FBXO15: variants seen among roughly 807,000 people sequenced by gnomAD.
FBXO15 encodes the protein F-box protein 15.
FBXO15 carries 30 observed loss-of-function variants against 49.5 expected under a neutral mutation model. That is an observed-to-expected ratio of 0.61 (90% CI 0.45 to 0.82). The LOEUF (loss-of-function observed/expected upper bound fraction) is 0.82. FBXO15 is among the 40% of genes least tolerant of loss of function. FBXO15 has a pLI of 0.00. For missense variants in FBXO15, 591 were observed against 631.5 expected, an observed-to-expected ratio of 0.94 and a Z score of 0.69; for synonymous variants, 250 against 232.7, an observed-to-expected ratio of 1.07 and a Z score of -0.68.
chr18:74,111,911 A>AT (rs1914047746), intron 8 of FBXO15, among the ~76,000 whole-genome samples: 1 of 152,190 alleles, frequency 6.6e-6, no homozygotes. Context: ...CTATGAACAA[A>AT]GCAATGCCCA....
chr18:74,101,514 G>A (rs772706623), intron 8 of FBXO15, among the ~76,000 whole-genome samples: 1 of 151,982 alleles, frequency 6.6e-6, no homozygotes, highest in African/African-American at 2.4e-5. Flanking sequence ...GGGTAGAATT[G>A]ATATTGTGAA....
At chr18:74,135,327 A>G (rs1200965807) in intron 3 of FBXO15, among the ~76,000 whole-genome samples, 1 of 152,120 alleles carries the variant, frequency 6.6e-6, no homozygotes, top group Non-Finnish European at 1.5e-5. Flanking sequence ...AGCTAAGTAC[A>G]CCTAACTTAG....
chr18:74,107,193 T>TAA lies in FBXO15; in HGVS notation c.1138+16173_1138+16174dup, dbSNP rs200161286. ...TTATGGGGTACACAGTGATATTCTG[T>TAA]AAAAAAAAAAAAAACAACAAATTCT... On this transcript the variant is annotated intron_variant, in intron 8 of 9. Coordinates refer to ENST00000419743, the MANE Select transcript of FBXO15 (RefSeq NM_001142958.2). Among the ~76,000 whole-genome samples the TAA allele has an allele frequency of 9.0e-3, 1,159 of 128,496 alleles. 17 individuals carry two copies. The highest frequency in any genetic ancestry group is 0.037 in the African/African-American group (1,116 of 29,938). 84.3% of individuals were successfully genotyped at this position (128,496 alleles called of 152,430 possible). A position where few individuals can be genotyped will look rare whatever the true frequency, so the allele number is the denominator to read the frequency against.
chr18:74,119,042 C>CCCCAGG (rs1483693027), intron 8 of FBXO15, among the ~76,000 whole-genome samples: 1 of 152,168 alleles, frequency 6.6e-6, no homozygotes, highest in Non-Finnish European at 1.5e-5. Flanking sequence ...CCTGGGGCCT[C>CCCCAGG]CCCAGGCCCT....
chr18:74,141,658 T>C (rs1417487078), intron 1 of FBXO15, among the ~76,000 whole-genome samples: 2 of 152,176 alleles, frequency 1.3e-5, no homozygotes, highest in Non-Finnish European at 2.9e-5. Context: ...AGCTGAAGTA[T>C]GAAATCCACA....
chr18:74,104,239 A>C (rs908952553), intron 8 of FBXO15, among the ~76,000 whole-genome samples: 1 of 152,148 alleles, frequency 6.6e-6, no homozygotes, highest in African/African-American at 2.4e-5. Context: ...TTATATCTAT[A>C]AGATGTTTTT....
chr18:74,123,260 A>T (rs775699377), intron 8 of FBXO15, 108 bp downstream of exon 8: 15 of 1,246,214 alleles, frequency 1.2e-5, no homozygotes, highest in Non-Finnish European at 1.7e-5. Context: ...CTGGTGCCAA[A>T]AGATTATAAA....
chr18:74,083,280 A>C (rs1912582891), intron 8 of FBXO15, among the ~76,000 whole-genome samples: 1 of 152,246 alleles, frequency 6.6e-6, no homozygotes, highest in South Asian at 2.1e-4. Context: ...AAGAAATGCC[A>C]AATGACACGG....
chr18:74,136,622 G>GT lies in FBXO15; in HGVS notation c.228-757dup, dbSNP rs1978742650. Reference sequence around the variant, plus strand: ...TTCAAGGAGACACCAAGGGCCATAAGTTTTTTCTGAAGTGTCTGTTTTATT... The same window carrying GT: ...TTCAAGGAGACACCAAGGGCCATAAGTTTTTTTCTGAAGTGTCTGTTTTATT... On this transcript the variant is annotated intron_variant, in intron 2 of 9. Coordinates refer to ENST00000419743, the MANE Select transcript of FBXO15 (RefSeq NM_001142958.2). Among the ~76,000 whole-genome samples, 3 of 152,274 alleles carry GT rather than the reference G, an allele frequency of 2.0e-5. No homozygotes were observed. The South Asian group carries it at 6.2e-4, about 32-fold the overall frequency.
At chr18:74,105,771 T>C (rs1446572088) in intron 8 of FBXO15, among the ~76,000 whole-genome samples, 1 of 152,072 alleles carries the variant, frequency 6.6e-6, no homozygotes, top group Non-Finnish European at 1.5e-5. Context: ...AAATGCAATA[T>C]GTGTGAAGCA....
At chr18:74,125,887 T>G (rs1568175377) in intron 6 of FBXO15, 88 bp downstream of exon 6, 2 of 1,531,690 alleles carry the variant, frequency 1.3e-6, no homozygotes, top group Non-Finnish European at 8.8e-7. Context: ...GCTTAAAGGA[T>G]TTTACATTTG....
intron 8 of FBXO15, among the ~76,000 whole-genome samples, chr18:74,094,119 C>T (rs760453215): frequency 6.6e-5 from 10 of 152,200 alleles, no homozygotes; most frequent in Non-Finnish European, 1.5e-4. Context: ...GATGTATTCT[C>T]AATGAGCAGT....
intron 4 of FBXO15, 93 bp from the exon 5 acceptor site, chr18:74,129,707 T>G (rs1978315733): frequency 9.4e-7 from 1 of 1,065,424 alleles, no homozygotes; most frequent in African/African-American, 1.6e-5. Context: ...AAGCATCTAG[T>G]TCCTTAAAAG....
chr18:74,124,070 G>A (rs571497462), intron 7 of FBXO15, among the ~76,000 whole-genome samples: 3 of 151,952 alleles, frequency 2.0e-5, no homozygotes, highest in South Asian at 4.2e-4. Context: ...AAGCCTGTGC[G>A]CCACCTAAAG....
chr18:74,081,813 G>T, intron 9 of FBXO15, 114 bp downstream of exon 9: 1 of 780,544 alleles, frequency 1.3e-6, no homozygotes, highest in Non-Finnish European at 1.9e-6. Context: ...AATAAATCCA[G>T]AACTATAAAA....
At chr18:74,123,736 C>T (rs1914572578) in intron 7 of FBXO15, among the ~76,000 whole-genome samples, 1 of 152,106 alleles carries the variant, frequency 6.6e-6, no homozygotes, top group South Asian at 2.1e-4. Context: ...GTTCTGTAGG[C>T]AGCCACCGCC....
At chr18:74,115,492 C>A (rs997777167) in intron 8 of FBXO15, among the ~76,000 whole-genome samples, 1 of 152,112 alleles carries the variant, frequency 6.6e-6, no homozygotes, top group East Asian at 1.9e-4. Flanking sequence ...GAGAAAATAT[C>A]GTGACCAAGA....
intron 8 of FBXO15, among the ~76,000 whole-genome samples, chr18:74,084,910 T>C (rs534663047): frequency 3.9e-5 from 6 of 152,228 alleles, no homozygotes; most frequent in Middle Eastern, 3.4e-3. Context: ...TAGTTGATTA[T>C]GTATGCCAAG....
At chr18:74,145,202 C>T (rs1979328454) in intron 1 of FBXO15, among the ~76,000 whole-genome samples, 1 of 152,310 alleles carries the variant, frequency 6.6e-6, no homozygotes, top group African/African-American at 2.4e-5. Flanking sequence ...ACAAATACTT[C>T]TTAATCATAT....
Sources: allele counts gnomAD v4.1 joint callset (sites outside exome capture counted in the v4.1 genomes callset), GRCh38; gene constraint gnomAD v4.1.1; transcripts MANE v1.5; gene names NCBI Gene and HGNC (gene_info 2026-07-23, HGNC 2026-07-21).